Variants in ANAPC4 observed in about 807,000 individuals in gnomAD.
The protein encoded by ANAPC4 is anaphase promoting complex subunit 4.
In ANAPC4, 63 loss-of-function variants were observed where a neutral mutation model predicts 119.8. The ratio of observed to expected loss-of-function variants is 0.53; its 90% CI spans 0.43 to 0.65. The LOEUF (loss-of-function observed/expected upper bound fraction) is 0.65. Ranked by LOEUF, ANAPC4 falls within the 30% of genes least tolerant of loss-of-function variation. The pLI, the probability that ANAPC4 is intolerant of heterozygous loss-of-function variation, is 0.00. For synonymous variants in ANAPC4, 283 were observed against 318.6 expected, an observed-to-expected ratio of 0.89 and a Z score of 1.19; for missense variants, 716 against 945.1, an observed-to-expected ratio of 0.76 and a Z score of 3.18.
chr4:25,394,117 G>T (rs999955767), intron 11 of ANAPC4, among the ~76,000 whole-genome samples, 193 bp from the exon 12 acceptor site: 4 of 152,108 alleles, frequency 2.6e-5, no homozygotes, highest in African/African-American at 4.8e-5. Flanking sequence ...GAGCTGGTGG[G>T]GCTTTGGCAA....
chr4:25,383,941 T>G (rs1351501428), intron 4 of ANAPC4, among the ~76,000 whole-genome samples: 1 of 152,202 alleles, frequency 6.6e-6, no homozygotes, highest in Non-Finnish European at 1.5e-5. Flanking sequence ...CAGTGGAATT[T>G]GTCACATCAG....
At chr4:25,392,497 T>C in intron 10 of ANAPC4, 76 bp downstream of exon 10, 1 of 1,319,034 alleles carries the variant, frequency 7.6e-7, no homozygotes, top group Non-Finnish European at 1.1e-6. Flanking sequence ...AGCTTCAAAA[T>C]TTTGTTTTGT....
chr4:25,399,702 A>G (rs1283071552), intron 16 of ANAPC4, among the ~76,000 whole-genome samples: 1 of 152,148 alleles, frequency 6.6e-6, no homozygotes, highest in East Asian at 1.9e-4. Flanking sequence ...TGTCCAGCAC[A>G]GTGTTAGTTA....
chr4:25,381,591 C>T (rs182486853), intron 3 of ANAPC4, among the ~76,000 whole-genome samples: 18 of 152,214 alleles, frequency 1.2e-4, no homozygotes, highest in East Asian at 3.9e-4. Flanking sequence ...GGATTACAGG[C>T]GTGAACCACT....
At chr4:25,392,611 A>G (rs944456995) in intron 10 of ANAPC4, among the ~76,000 whole-genome samples, 190 bp downstream of exon 10, 1 of 152,132 alleles carries the variant, frequency 6.6e-6, no homozygotes, top group Non-Finnish European at 1.5e-5. Flanking sequence ...ACCGCACCCT[A>G]TTTTCCACCT....
intron 8 of ANAPC4, among the ~76,000 whole-genome samples, chr4:25,390,673 G>C (rs1348117742): frequency 1.3e-5 from 2 of 152,210 alleles, no homozygotes; most frequent in Non-Finnish European, 2.9e-5. Flanking sequence ...GAATATGTTG[G>C]TTCTGCAGCA....
At chr4:25,416,366 C>A in intron 26 of ANAPC4, 59 bp from the exon 27 acceptor site, 1 of 1,224,224 alleles carries the variant, frequency 8.2e-7, no homozygotes, top group Non-Finnish European at 1.1e-6. Context: ...AACATGCATA[C>A]AATATTTTCT....
At chr4:25,377,620 G>A in intron 2 of ANAPC4, 64 bp downstream of exon 2, 2 of 1,500,374 alleles carry the variant, frequency 1.3e-6, no homozygotes, top group Non-Finnish European at 1.8e-6. Context: ...AGAACACCGA[G>A]CCCGAGCCTG....
intron 16 of ANAPC4, among the ~76,000 whole-genome samples, chr4:25,398,494 G>A (rs147785632): frequency 0.014 from 2,191 of 152,270 alleles, 25 homozygotes; most frequent in Non-Finnish European, 0.022. Context: ...GGGCACTATA[G>A]CTGAAGCAGA....
At position 25,405,802 on chromosome 4, in the gene ANAPC4, A is replaced by G. The variant is rs1723221049; in HGVS notation, c.1317+183A>G. Among the ~76,000 whole-genome samples, 1 of 152,224 alleles carries G rather than the reference A, an allele frequency of 6.6e-6. No individual in the cohort carries two copies. ...CATGTTTTGTGTATTGTTTCATCTC[A>G]TAGAATACCTTTATTATGACTATCT... On this transcript the variant is annotated intron_variant, in intron 18 of 28. Coordinates refer to ENST00000315368, the MANE Select transcript of ANAPC4 (RefSeq NM_013367.3). This position sits in a 1 kb window ranked among gnomAD's most constrained non-coding sequence, Gnocchi z 4.6.
At chr4:25,386,291 T>C (rs1722031193) in intron 4 of ANAPC4, among the ~76,000 whole-genome samples, 1 of 152,176 alleles carries the variant, frequency 6.6e-6, no homozygotes. Context: ...CAGCTCACTG[T>C]AGCCTCTGCC....
chr4:25,403,079 G>A (rs1723066351), intron 17 of ANAPC4, 53 bp downstream of exon 17: 4 of 1,323,966 alleles, frequency 3.0e-6, no homozygotes, highest in South Asian at 1.3e-5. Flanking sequence ...AAAATTATAG[G>A]AGTATTATCT....
In ANAPC4 at chr4:25,390,981, C is replaced by G. The variant is rs148735249; in HGVS notation, c.671C>G (p.Ser224Cys). 1 of 1,613,722 alleles carries G rather than the reference C, an allele frequency of 6.2e-7. No individual in the cohort carries two copies. The highest frequency in any genetic ancestry group is 2.2e-5 in the East Asian group (1 of 44,876). The change falls in exon 9 of 29, where the codon TCT (serine) becomes TGT (cysteine). Residue 224 changes from serine to cysteine, a missense_variant. Physicochemically the swap from Ser to Cys is moderately radical, Grantham distance 112 (BLOSUM62 -1). Transcript: ENST00000315368. The stretch of plus-strand genomic sequence containing the variant: ...TCATTATCAGTGGTCACAGAAGTCT[C>G]TACCAATGGTGCTTCAGAAGTTTCA... ...LKSLSVVTEVSTNGASEVSYF... is the reference protein window; with the variant it reads ...LKSLSVVTEVCTNGASEVSYF...
chr4:25,390,372 A>G, intron 8 of ANAPC4, 152 bp downstream of exon 8: 1 of 540,572 alleles, frequency 1.8e-6, no homozygotes, highest in South Asian at 3.0e-5. Flanking sequence ...TTACTAAGAT[A>G]AAATAATTGT....
chr4:25,417,355 A>G, intron 27 of ANAPC4: 1 of 234,528 alleles, frequency 4.3e-6, no homozygotes, highest in Non-Finnish European at 8.2e-6. Context: ...TCCTGGACTC[A>G]AGCAATCCTC....
intron 12 of ANAPC4, 106 bp downstream of exon 12, chr4:25,394,480 C>T: frequency 9.1e-7 from 1 of 1,096,560 alleles, no homozygotes; most frequent in Non-Finnish European, 1.3e-6. Flanking sequence ...TTAATTGATA[C>T]ATAATATTTT....
intron 4 of ANAPC4, among the ~76,000 whole-genome samples, chr4:25,387,266 CT>C (rs977858993): frequency 2.6e-5 from 4 of 151,974 alleles, no homozygotes; most frequent in Non-Finnish European, 5.9e-5. Context: ...AATTGTTTTT[CT>C]TTTTTGGGGA....
Position 25,377,347 on chromosome 4 carries a change from A to T in ANAPC4, c.-11+3A>T, listed in dbSNP as rs1721456042. ...TCTGCCGGTGGGGACTCTTGCAGGT[A>T]CAGGCGCGGTCGGGGCTCCTCGTGG... On this transcript the variant is annotated splice_donor_region_variant and intron_variant, in intron 1 of 28. Transcript: ENST00000315368. 2 of 1,571,092 alleles carry T rather than the reference A, an allele frequency of 1.3e-6. No homozygotes were observed. Among genetic ancestry groups the T allele is most frequent in the South Asian group, 2.4e-5 (2 of 85,082 alleles).
At chr4:25,389,404 G>A (rs568167993) in intron 7 of ANAPC4, among the ~76,000 whole-genome samples, 8 of 151,914 alleles carry the variant, frequency 5.3e-5, no homozygotes, top group Admixed American at 3.9e-4. Context: ...TGATCCACCC[G>A]CCTTAGCCTC....
Sources: gnomAD v4.1 joint callset for allele counts (sites outside exome capture counted in the v4.1 genomes callset) on GRCh38, gnomAD v4.1.1 for gene constraint, Gnocchi (gnomAD v3.1) non-coding constraint, MANE v1.5 for transcripts, NCBI Gene and HGNC (gene_info 2026-07-23, HGNC 2026-07-21) for gene names.